Variants in USH2A observed in about 807,000 individuals in gnomAD.
USH2A encodes Usher syndrome 2A (autosomal recessive, mild).
A neutral mutation model predicts 538.9 loss-of-function variants in USH2A; 443 were observed. That is an observed-to-expected ratio of 0.82 (90% CI 0.76 to 0.89). The LOEUF (loss-of-function observed/expected upper bound fraction) is 0.89, where lower values mean the gene tolerates loss of function less well. USH2A is among the 40% of genes least tolerant of loss of function. The pLI is 0.00. For missense variants in USH2A, 6,633 were observed against 6,324.8 expected, an observed-to-expected ratio of 1.05 and a Z score of -1.65; for synonymous variants, 2,413 against 2,273.5, an observed-to-expected ratio of 1.06 and a Z score of -1.75.
Position 216,246,869 on chromosome 1 carries a change from A to T in USH2A, c.2525T>A (p.Phe842Tyr). 1.2e-6 allele frequency: 2 copies of T among 1,614,142 alleles called. No individual in the cohort carries two copies. Among genetic ancestry groups the T allele is most frequent in the Non-Finnish European group, 1.7e-6 (2 of 1,179,980 alleles). ...GNFYLRQNNS[F>Y]LCLPCNCDKT... Reference sequence around the variant, plus strand: ...ATCACAGTTGCAAGGCAGACAGAGGAAAGAATTATTTTGCCGTAGGTAGAA... The same window carrying T: ...ATCACAGTTGCAAGGCAGACAGAGGTAAGAATTATTTTGCCGTAGGTAGAA... The change falls in exon 13 of 72, where the codon TTC becomes TAC. Residue 842 changes from phenylalanine to tyrosine, a missense_variant. By Grantham distance (22) the Phe-to-Tyr change is conservative. Transcript: ENST00000307340.
intron 4 of USH2A, among the ~76,000 whole-genome samples, chr1:216,329,480 C>T (rs570136122): frequency 6.6e-6 from 1 of 152,200 alleles, no homozygotes; most frequent in African/African-American, 2.4e-5. Context: ...AGTCACTCCT[C>T]ATAGCATAAA....
chr1:216,074,511 A>G (rs943812113), intron 27 of USH2A, among the ~76,000 whole-genome samples: 1 of 152,194 alleles, frequency 6.6e-6, no homozygotes, highest in Non-Finnish European at 1.5e-5. Context: ...CAGCATTCAT[A>G]TGATGTCTTA....
Position 216,323,708 on chromosome 1 carries a change from G to C in USH2A, c.1329-13C>G. On this transcript the variant is annotated splice_polypyrimidine_tract_variant and intron_variant, in intron 7 of 71. Transcript: ENST00000307340. ...ATATGGAGTAAAACTGTTAATGAAA[G>C]AAATTCGATGTCATGAAAATCTATT... is the stretch of plus-strand genomic sequence containing the variant. The C allele has an allele frequency of 1.2e-6, 2 of 1,611,664 alleles. No individual in the cohort carries two copies. Among genetic ancestry groups the C allele is most frequent in the Non-Finnish European group, 1.7e-6 (2 of 1,178,272 alleles).
intron 43 of USH2A, among the ~76,000 whole-genome samples, chr1:215,877,497 G>A (rs1273183884): frequency 6.6e-6 from 1 of 152,062 alleles, no homozygotes; most frequent in African/African-American, 2.4e-5. Context: ...AGATGGAGCC[G>A]TGACAAAGGC....
At position 216,383,033 on chromosome 1, in the gene USH2A, C is replaced by G. The variant is rs2038946917; in HGVS notation, c.652-17948G>C. ...TCTCAAGAAAACAAAGATTAATTAA[C>G]ACCAAACTATAGGCTGGTAGTCCTG... On this transcript the variant is annotated intron_variant, in intron 3 of 71. Transcript: ENST00000307340. Among the ~76,000 whole-genome samples, 3 of 152,202 alleles carry G rather than the reference C, an allele frequency of 2.0e-5. No individual in the cohort carries two copies. The South Asian group carries it at 6.2e-4, about 32-fold the overall frequency.
rs565947823 is a variant in USH2A, at chr1:215,930,492, T to C, written c.7300+4124A>G. ...GCCTTTGTTCTGAACTTGAAGATCCTGCAAAACTTCTAAGCTTCTTTGCCT... is the reference window on the plus strand; with the variant it reads ...GCCTTTGTTCTGAACTTGAAGATCCCGCAAAACTTCTAAGCTTCTTTGCCT... On this transcript the variant is annotated intron_variant, in intron 38 of 71. Coordinates refer to ENST00000307340, the MANE Select transcript of USH2A (RefSeq NM_206933.4). Among the ~76,000 whole-genome samples, 3 of 152,210 alleles carry C rather than the reference T, an allele frequency of 2.0e-5. No homozygotes were observed. The South Asian group carries it at 6.2e-4, about 32-fold the overall frequency.
At chr1:216,211,193 C>G (rs1045522662) in intron 15 of USH2A, among the ~76,000 whole-genome samples, 3 of 152,038 alleles carry the variant, frequency 2.0e-5, no homozygotes, top group Admixed American at 6.6e-5. Flanking sequence ...ATAAGTGCTT[C>G]CTTATTTTGA....
chr1:215,802,585 GGATA>G (rs2102782401), intron 49 of USH2A, among the ~76,000 whole-genome samples: 1 of 152,138 alleles, frequency 6.6e-6, no homozygotes, highest in Admixed American at 6.6e-5. Context: ...ATACTCATTA[GGATA>G]GTTATAAAAA....
At position 215,654,244 on chromosome 1, in the gene USH2A, A is replaced by G. The variant is rs570891053; in HGVS notation, c.14134-3443T>C. ...GTGCAGGTTTGTTACATAGGTATAC[A>G]TGTGCCATGTTGGTTTGCTGCACCC... On this transcript the variant is annotated intron_variant, in intron 64 of 71. Transcript: ENST00000307340. Among the ~76,000 whole-genome samples the G allele has an allele frequency of 3.9e-5, 6 of 152,208 alleles. No homozygotes were observed. In the South Asian group the frequency reaches 1.0e-3, roughly 26 times the overall value.
intron 26 of USH2A, chr1:216,083,221 C>A (rs2032009276): frequency 2.5e-6 from 1 of 399,164 alleles, no homozygotes; most frequent in East Asian, 4.8e-5. Flanking sequence ...TTCCTTATAT[C>A]TAGTCTGTTT....
intron 11 of USH2A, among the ~76,000 whole-genome samples, chr1:216,270,669 C>G (rs2036557110): frequency 6.6e-6 from 1 of 151,762 alleles, no homozygotes; most frequent in Non-Finnish European, 1.5e-5. Flanking sequence ...TCTCCCTAAT[C>G]CATTTAATAA....
intron 67 of USH2A, among the ~76,000 whole-genome samples, chr1:215,645,859 A>G (rs1440080335): frequency 6.6e-6 from 1 of 152,204 alleles, no homozygotes; most frequent in East Asian, 1.9e-4. Flanking sequence ...TAATTTAAGA[A>G]GATAACCAGA....
intron 37 of USH2A, among the ~76,000 whole-genome samples, chr1:215,960,341 C>A (rs1412414618): frequency 6.6e-6 from 1 of 152,018 alleles, no homozygotes; most frequent in Non-Finnish European, 1.5e-5. Flanking sequence ...CCCAAACTTA[C>A]ACATTTGTTT....
chr1:216,187,313 A>G (rs1184677968), intron 20 of USH2A, among the ~76,000 whole-genome samples: 1 of 151,912 alleles, frequency 6.6e-6, no homozygotes, highest in Non-Finnish European at 1.5e-5. Flanking sequence ...TAATTATCTT[A>G]GAATCCTCCA....
intron 47 of USH2A, among the ~76,000 whole-genome samples, chr1:215,833,635 C>T (rs976382253): frequency 1.3e-5 from 2 of 151,814 alleles, no homozygotes; most frequent in African/African-American, 4.8e-5. Context: ...TTAACTCAGG[C>T]AAAAAGTTCT....
At position 216,198,199 on chromosome 1, in the gene USH2A, T is replaced by C. The variant is rs1378076611; in HGVS notation, c.4081+116A>G. 19 of 1,493,088 alleles carry C rather than the reference T, an allele frequency of 1.3e-5. No individual in the cohort carries two copies. The Middle Eastern group carries it at 1.5e-3, about 115-fold the overall frequency. 92.5% of individuals were successfully genotyped at this position (1,493,088 alleles called of 1,614,324 possible). On this transcript the variant is annotated intron_variant, in intron 18 of 71. Coordinates refer to ENST00000307340, the MANE Select transcript of USH2A (RefSeq NM_206933.4). ...ATATATGAAAATTTTCCTTGGTCTA[T>C]GGAAGTTTCTAATTCTTGCTTTTCA...
In USH2A at chr1:216,210,555, C is replaced by G. The variant is rs180933647; in HGVS notation, c.3158-3124G>C. On this transcript the variant is annotated intron_variant, in intron 15 of 71. Transcript: ENST00000307340. The stretch of plus-strand genomic sequence containing the variant: ...ACCCCTCTTCTTCTTCCCCATGTTA[C>G]CCTTCCTGTAAAATAGTTATTTTTG... 2.6e-3 allele frequency among the ~76,000 whole-genome samples: 400 copies of G among 152,230 alleles called. 7 individuals are homozygous for G. Among genetic ancestry groups the G allele is most frequent in the Non-Finnish European group, 1.9e-3 (130 of 68,024 alleles).
At chr1:216,077,962 GA>G in intron 27 of USH2A, 126 bp downstream of exon 27, 1 of 1,194,804 alleles carries the variant, frequency 8.4e-7, no homozygotes, top group Middle Eastern at 2.8e-4. Flanking sequence ...AATTTCTCCA[GA>G]AAAAGAGATG....
At chr1:216,014,339 G>A (rs1267964843) in intron 32 of USH2A, among the ~76,000 whole-genome samples, 1 of 152,068 alleles carries the variant, frequency 6.6e-6, no homozygotes, top group Non-Finnish European at 1.5e-5. Flanking sequence ...AGGGAAGTGA[G>A]GCTGATAAAT....
Sources: allele counts gnomAD v4.1 joint callset (sites outside exome capture counted in the v4.1 genomes callset), GRCh38; gene constraint gnomAD v4.1.1; transcripts MANE v1.5; gene names NCBI Gene and HGNC (gene_info 2026-07-23, HGNC 2026-07-21).